APP: variants seen among roughly 807,000 people sequenced by gnomAD.
APP encodes the protein amyloid-beta precursor protein.
Under a neutral mutation model 101.4 loss-of-function variants are expected in APP, and 31 were observed. That is an observed-to-expected ratio of 0.31 (90% confidence interval 0.23 to 0.41). The LOEUF (loss-of-function observed/expected upper bound fraction) is 0.41, where lower values mean the gene tolerates loss of function less well. Among genes scored for constraint, APP ranks in the 10% least tolerant of loss-of-function variants. The probability of loss-of-function intolerance (pLI) is 1.00; values close to 1 mark genes in which losing one functional copy is unlikely to be tolerated. For synonymous variants in APP, 366 were observed against 364.4 expected, an observed-to-expected ratio of 1.00 and a Z score of -0.05; for missense variants, 839 against 1,003.7, an observed-to-expected ratio of 0.84 and a Z score of 2.22.
intron 1 of APP, among the ~76,000 whole-genome samples, chr21:26,166,947 T>C (rs2146400271): frequency 6.6e-6 from 1 of 152,058 alleles, no homozygotes; most frequent in African/African-American, 2.4e-5. Flanking sequence ...TGTGTGTGTG[T>C]GTGTGTCTGT....
chr21:25,956,526 T>A lies in APP; in HGVS notation c.1459-771A>T, dbSNP rs45487301. Among the ~76,000 whole-genome samples, 76 of 152,362 alleles carry A rather than the reference T, an allele frequency of 5.0e-4. No individual in the cohort carries two copies. The East Asian group carries it at 0.014, about 28-fold the overall frequency. On this transcript the variant is annotated intron_variant, in intron 11 of 17. Coordinates refer to ENST00000346798, the MANE Select transcript of APP (RefSeq NM_000484.4). ...TCATCACTATATGCATTCCACTACA[T>A]GATTTTGTAAGATGATTTCCAAAAA...
At chr21:26,071,405 G>A (rs948354179) in intron 3 of APP, among the ~76,000 whole-genome samples, 2 of 152,084 alleles carry the variant, frequency 1.3e-5, no homozygotes, top group African/African-American at 4.8e-5. Flanking sequence ...CAAGCAAGCA[G>A]AAACTCAGCC....
In APP at chr21:26,154,731, G is replaced by A. The variant is rs576059823; in HGVS notation, c.57+15833C>T. ...TGGGCTCTTGATCCTTAAAATGTGG[G>A]TGATTTTGAACAACTCAACATCTCC... is the stretch of plus-strand genomic sequence containing the variant. On this transcript the variant is annotated intron_variant, in intron 1 of 17. Transcript: ENST00000346798. 9.9e-5 allele frequency among the ~76,000 whole-genome samples: 15 copies of A among 152,268 alleles called. No individual in the cohort carries two copies. The South Asian group carries it at 2.9e-3, about 29-fold the overall frequency.
At chr21:25,933,378 T>C (rs1487190027) in intron 13 of APP, among the ~76,000 whole-genome samples, 5 of 152,348 alleles carry the variant, frequency 3.3e-5, no homozygotes, top group Non-Finnish European at 4.4e-5. Context: ...GCTGGGACTA[T>C]AGGTGTAAGC....
At chr21:25,917,746 T>C (rs1185159583) in intron 13 of APP, among the ~76,000 whole-genome samples, 2 of 152,106 alleles carry the variant, frequency 1.3e-5, no homozygotes, top group African/African-American at 4.8e-5. Flanking sequence ...GTCTGGCTGT[T>C]AAAGCTCTGA....
intron 1 of APP, among the ~76,000 whole-genome samples, chr21:26,128,123 G>A (rs1291624877): frequency 6.6e-6 from 1 of 152,166 alleles, no homozygotes; most frequent in African/African-American, 2.4e-5. Context: ...TCTGCAAGAC[G>A]TCTGCCTGCC....
chr21:26,087,489 C>T (rs1310409692), intron 3 of APP, among the ~76,000 whole-genome samples: 1 of 152,192 alleles, frequency 6.6e-6, no homozygotes, highest in African/African-American at 2.4e-5. Flanking sequence ...TCACAAGTGA[C>T]CCAACTTTTT....
At position 26,098,537 on chromosome 21, in the gene APP, G is replaced by A. The variant is rs977147788; in HGVS notation, c.226-8465C>T. Among the ~76,000 whole-genome samples, 8 of 152,252 alleles carry A rather than the reference G, an allele frequency of 5.3e-5. No homozygotes were observed. In the South Asian group the frequency reaches 6.2e-4, roughly 12 times the overall value. ...CAACATTAAGGGCAAATGGAGAACC[G>A]AAAAGTCCCTTTTGTAAACAGGCCA... On this transcript the variant is annotated intron_variant, in intron 2 of 17. Coordinates refer to ENST00000346798, the MANE Select transcript of APP (RefSeq NM_000484.4).
chr21:25,992,387 CA>C (rs3084255), intron 8 of APP, among the ~76,000 whole-genome samples: 27,940 of 131,656 alleles, frequency 0.21, 2,646 homozygotes, highest in South Asian at 0.37. Context: ...GACTCCATCT[CA>C]AAAAAAAAAA....
At chr21:26,007,836 T>A (rs934916726) in intron 6 of APP, among the ~76,000 whole-genome samples, 3 of 152,212 alleles carry the variant, frequency 2.0e-5, no homozygotes, top group East Asian at 3.8e-4. Context: ...TGGCAAGCAG[T>A]CGTCAAAAAA....
intron 2 of APP, among the ~76,000 whole-genome samples, chr21:26,096,988 C>T (rs1343901207): frequency 3.9e-5 from 6 of 152,176 alleles, no homozygotes; most frequent in Non-Finnish European, 8.8e-5. Context: ...CCCTCTAACT[C>T]TTTTAAGTCT....
rs530706907 is a variant in APP at position 25,882,595 on chromosome 21, G to T, written c.2212-824C>A. ...CATTTACTGTCTGCAGGTTGGGCAG[G>T]GTACTTACCCCTACAACGTGGGCAG... On this transcript the variant is annotated intron_variant, in intron 17 of 17. Transcript: ENST00000346798. Among the ~76,000 whole-genome samples, 3 of 151,828 alleles carry T rather than the reference G, an allele frequency of 2.0e-5. No individual in the cohort carries two copies. The East Asian group carries it at 5.8e-4, about 29-fold the overall frequency.
chr21:26,083,293 T>G (rs1043775250), intron 3 of APP, among the ~76,000 whole-genome samples: 1 of 152,170 alleles, frequency 6.6e-6, no homozygotes, highest in East Asian at 1.9e-4. Flanking sequence ...GAAAACCACC[T>G]AAATGACCAT....
At chr21:26,088,942 C>A (rs2061761225) in intron 3 of APP, among the ~76,000 whole-genome samples, 1 of 152,164 alleles carries the variant, frequency 6.6e-6, no homozygotes, top group African/African-American at 2.4e-5. Context: ...CATGAATGAA[C>A]AGCAATCAGT....
intron 3 of APP, among the ~76,000 whole-genome samples, chr21:26,058,396 CA>C (rs915562968): frequency 6.6e-6 from 1 of 151,610 alleles, no homozygotes; most frequent in Admixed American, 6.6e-5. Flanking sequence ...TCACCCTGAA[CA>C]AAAAAAATCT....
At position 26,170,712 on chromosome 21, in the gene APP, C is replaced by T; in HGVS notation, c.-92G>A. Reference sequence around the variant, plus strand: ...CCGCGCCGCCACCGCCGCCGTCTCCCGGGGCCCCCGCGCACGCTCCTCCGC... The same window carrying T: ...CCGCGCCGCCACCGCCGCCGTCTCCTGGGGCCCCCGCGCACGCTCCTCCGC... On this transcript the variant is annotated 5_prime_UTR_variant, in exon 1 of 18. Transcript: ENST00000346798. The T allele has an allele frequency of 5.3e-6, 7 of 1,331,936 alleles. No individual in the cohort carries two copies. The highest frequency in any genetic ancestry group is 3.0e-5 in the East Asian group (1 of 33,260). 82.5% of individuals were successfully genotyped at this position (1,331,936 alleles called of 1,614,324 possible).
At chr21:26,042,851 G>A (rs1476856892) in intron 5 of APP, among the ~76,000 whole-genome samples, 1 of 152,102 alleles carries the variant, frequency 6.6e-6, no homozygotes, top group Non-Finnish European at 1.5e-5. Context: ...AGGAGTTCAA[G>A]GTTACACTGA....
intron 6 of APP, among the ~76,000 whole-genome samples, chr21:26,016,244 G>T (rs2044056350): frequency 6.6e-6 from 1 of 152,086 alleles, no homozygotes; most frequent in African/African-American, 2.4e-5. Context: ...TGTTGGCCAG[G>T]CTGGTCTCTA....
intron 1 of APP, among the ~76,000 whole-genome samples, chr21:26,113,890 TAAAG>T (rs1218925294): frequency 6.6e-5 from 10 of 152,156 alleles, no homozygotes; most frequent in Non-Finnish European, 7.3e-5. Flanking sequence ...GCAAAAACAT[TAAAG>T]AAAGTCAAAT....
Sources: allele counts gnomAD v4.1 joint callset (sites outside exome capture counted in the v4.1 genomes callset), GRCh38; gene constraint gnomAD v4.1.1; transcripts MANE v1.5; gene names NCBI Gene and HGNC (gene_info 2026-07-23, HGNC 2026-07-21).